The following ADGRL2 variants were observed in gnomAD, a reference collection of about 807,000 sequenced individuals.
The protein encoded by ADGRL2 is adhesion G protein-coupled receptor L2.
In ADGRL2, 44 loss-of-function variants were observed where a neutral mutation model predicts 157.4. The observed-to-expected ratio is 0.28, with a 90% CI of 0.22 to 0.36. The LOEUF (loss-of-function observed/expected upper bound fraction) is 0.36, where lower values mean the gene tolerates loss of function less well. Among genes scored for constraint, ADGRL2 ranks in the 10% least tolerant of loss-of-function variants. ADGRL2 has a pLI of 1.00. For missense variants in ADGRL2, 1,510 were observed against 1,768.9 expected (o/e 0.85, Z 2.63); for synonymous variants, 585 against 624.7 (o/e 0.94, Z 0.95).
chr1:81,830,003 C>G (rs769982081), intron 1 of ADGRL2, among the ~76,000 whole-genome samples: 9 of 152,168 alleles, frequency 5.9e-5, no homozygotes, highest in Non-Finnish European at 1.3e-4. Context: ...GATCCAGAAA[C>G]TGCTGTTAGT....
chr1:81,933,311 T>C (rs1451154020), intron 3 of ADGRL2, among the ~76,000 whole-genome samples: 2 of 152,210 alleles, frequency 1.3e-5, no homozygotes, highest in Non-Finnish European at 2.9e-5. Flanking sequence ...AAGAAAATTG[T>C]AGGTTATTAA....
intron 1 of ADGRL2, among the ~76,000 whole-genome samples, chr1:81,827,415 G>A (rs58398767): frequency 0.048 from 7,372 of 152,008 alleles, 561 homozygotes; most frequent in African/African-American, 0.17. Context: ...TCATTCTCCC[G>A]TTATTTACTA....
chr1:81,456,766 T>G (rs2101774492), intron 2 of ADGRL2, among the ~76,000 whole-genome samples: 1 of 152,118 alleles, frequency 6.6e-6, no homozygotes, highest in Non-Finnish European at 1.5e-5. Context: ...CCTTTTGAAC[T>G]GCCCTCCCAC....
intron 3 of ADGRL2, among the ~76,000 whole-genome samples, chr1:81,590,162 A>T (rs1202328876): frequency 6.6e-6 from 1 of 152,142 alleles, no homozygotes. Flanking sequence ...TTCCTGTCTC[A>T]TGGAGACCCA....
intron 1 of ADGRL2, among the ~76,000 whole-genome samples, chr1:81,748,410 A>G (rs932514259): frequency 7.1e-6 from 1 of 140,078 alleles, no homozygotes; most frequent in Admixed American, 7.5e-5. Flanking sequence ...CAGAGGTTGC[A>G]GTGAGCTGAG....
At chr1:81,797,581 C>T (rs1240390471), upstream of ADGRL2, among the ~76,000 whole-genome samples, 2 of 152,124 alleles carry the variant, frequency 1.3e-5, no homozygotes, top group African/African-American at 4.8e-5. Context: ...CAATATTCTG[C>T]ACCTATGTCC....
intron 1 of ADGRL2, among the ~76,000 whole-genome samples, chr1:81,807,172 GAGTTGA>G (rs1017489227): frequency 4.6e-5 from 7 of 152,086 alleles, no homozygotes; most frequent in South Asian, 2.1e-4. Flanking sequence ...AGCTGAAAAG[GAGTTGA>G]AGTTCTGTGA....
chr1:81,349,002 C>T (rs1266604636), intron 1 of ADGRL2, among the ~76,000 whole-genome samples: 2 of 152,122 alleles, frequency 1.3e-5, no homozygotes, highest in Non-Finnish European at 2.9e-5. Flanking sequence ...CAGTAATACT[C>T]CAAGAGATTC....
chr1:81,698,229 T>G (rs1480738806), upstream of ADGRL2, among the ~76,000 whole-genome samples: 2 of 152,156 alleles, frequency 1.3e-5, no homozygotes, highest in Admixed American at 6.5e-5. Context: ...ATAAGGAAGA[T>G]CTCATTTAAA....
chr1:81,760,409 T>C (rs1340088965), intron 1 of ADGRL2, among the ~76,000 whole-genome samples: 6 of 152,126 alleles, frequency 3.9e-5, no homozygotes, highest in Non-Finnish European at 7.4e-5. Flanking sequence ...AAAAGTTATC[T>C]ACAGTATTAA....
At chr1:81,754,322 T>C (rs1156805916) in intron 1 of ADGRL2, among the ~76,000 whole-genome samples, 2 of 151,900 alleles carry the variant, frequency 1.3e-5, no homozygotes, top group East Asian at 3.9e-4. Context: ...CTAATTTCTT[T>C]GTGCCTCTTT....
At chr1:81,931,475 G>A (rs561695647) in intron 3 of ADGRL2, among the ~76,000 whole-genome samples, 3 of 152,196 alleles carry the variant, frequency 2.0e-5, no homozygotes, top group Admixed American at 1.3e-4. Context: ...TACTTCGTGC[G>A]TTTTTAACCC....
At chr1:81,593,821 A>C (rs900424958) in intron 3 of ADGRL2, among the ~76,000 whole-genome samples, 3 of 152,184 alleles carry the variant, frequency 2.0e-5, no homozygotes, top group Admixed American at 2.0e-4. Flanking sequence ...ATCTCTATCC[A>C]CATCTGAGAT....
intron 1 of ADGRL2, among the ~76,000 whole-genome samples, chr1:81,346,681 C>A (rs527792505): frequency 6.6e-6 from 1 of 152,242 alleles, no homozygotes; most frequent in African/African-American, 2.4e-5. Flanking sequence ...TCTATAAAGA[C>A]AAGATGAGAG....
intron 2 of ADGRL2, among the ~76,000 whole-genome samples, chr1:81,507,918 T>A (rs971424934): frequency 1.6e-5 from 2 of 123,498 alleles, no homozygotes; most frequent in African/African-American, 5.0e-5. Context: ...GATTACCTTA[T>A]TTAAAGACAG....
chr1:81,582,211 C>A (rs912624500), intron 3 of ADGRL2, among the ~76,000 whole-genome samples: 2 of 151,818 alleles, frequency 1.3e-5, no homozygotes, highest in African/African-American at 4.8e-5. Flanking sequence ...CAGAGTGAGA[C>A]TCTGTCTCAA....
intron 1 of ADGRL2, among the ~76,000 whole-genome samples, chr1:81,734,258 CAA>C (rs2084822625): frequency 6.7e-6 from 1 of 149,140 alleles, no homozygotes; most frequent in Non-Finnish European, 1.5e-5. Context: ...GCCTGGGCAA[CAA>C]GAGCAAAACT....
intron 2 of ADGRL2, among the ~76,000 whole-genome samples, chr1:81,795,103 G>C (rs1172450017): frequency 2.0e-5 from 3 of 152,120 alleles, no homozygotes; most frequent in Admixed American, 2.0e-4. Flanking sequence ...TTTCAGAAAT[G>C]AAACAGGTCC....
Position 81,943,706 on chromosome 1 carries a change from G to T in ADGRL2, c.1147G>T (p.Val383Leu), listed in dbSNP as rs538062733. The change falls in exon 6 of 24, where the codon GTG becomes TTG. Residue 383 changes from valine to leucine, a missense_variant. Transcript: ENST00000686636. The surrounding 1 kb of genome is among the most constrained non-coding windows in gnomAD (Gnocchi z 5.6). ...CAATCCAAGAGATAACCAACTTTAC[G>T]TGTGGAACAATAACTTCATTTTACG... The part of the protein sequence containing the change: ...DYNPRDNQLY[V>L]WNNNFILRYS... The T allele has an allele frequency of 6.2e-7, 1 of 1,613,510 alleles. No individual in the cohort carries two copies. The highest frequency in any genetic ancestry group is 1.1e-5 in the South Asian group (1 of 91,074).
Sources: allele counts gnomAD v4.1 joint callset (sites outside exome capture counted in the v4.1 genomes callset), GRCh38; gene constraint gnomAD v4.1.1; non-coding constraint Gnocchi (gnomAD v3.1); transcripts MANE v1.5; gene names NCBI Gene and HGNC (gene_info 2026-07-23, HGNC 2026-07-21).